The following STPG4 variants were observed in gnomAD, a reference collection of about 807,000 sequenced individuals.
STPG4 encodes the protein protein STPG4.
A neutral mutation model predicts 31.5 loss-of-function variants in STPG4; 41 were observed. The ratio of observed to expected loss-of-function variants is 1.30; its 90% CI spans 1.01 to 1.69. STPG4 has a LOEUF of 1.69. Ranked by LOEUF, STPG4 falls within the 40% of genes most tolerant of loss-of-function variation. The pLI, the probability that STPG4 is intolerant of heterozygous loss-of-function variation, is 0.00. For missense variants in STPG4, 375 were observed against 293.4 expected, an observed-to-expected ratio of 1.28 and a Z score of -2.03; for synonymous variants, 141 against 103.0, an observed-to-expected ratio of 1.37 and a Z score of -2.24.
intron 5 of STPG4, among the ~76,000 whole-genome samples, chr2:47,104,437 T>C (rs1291932924): frequency 1.3e-5 from 2 of 151,988 alleles, no homozygotes; most frequent in African/African-American, 4.8e-5. Flanking sequence ...AATTCCACTA[T>C]ATCCAGTTGT....
intron 5 of STPG4, chr2:47,108,337 C>G (rs1685966846): frequency 6.6e-6 from 1 of 152,172 alleles, no homozygotes; most frequent in African/African-American, 2.4e-5. Context: ...ATAAATCTTG[C>G]TACTGCTCAC....
intron 3 of STPG4, 109 bp from the exon 4 acceptor site, chr2:47,130,369 C>T (rs943565854): frequency 3.5e-6 from 3 of 849,316 alleles, no homozygotes; most frequent in African/African-American, 1.7e-5. Context: ...TTGGATAATT[C>T]CTTCTTTACT....
chr2:47,120,551 A>G (rs1031298723), intron 5 of STPG4, among the ~76,000 whole-genome samples: 5 of 133,406 alleles, frequency 3.7e-5, no homozygotes, highest in African/African-American at 1.3e-4. Flanking sequence ...TGGGCGAAAG[A>G]GCAAGACTCC....
Position 47,127,810 on chromosome 2 carries a change from CTG to C in STPG4, c.519+2129_519+2130del, listed in dbSNP as rs1403835084. 4.6e-5 allele frequency among the ~76,000 whole-genome samples: 7 copies of C among 152,296 alleles called. No individual in the cohort carries two copies. The East Asian group carries it at 1.4e-3, about 29-fold the overall frequency. On this transcript the variant is annotated intron_variant, in intron 5 of 6. Coordinates refer to ENST00000445927, the MANE Select transcript of STPG4 (RefSeq NM_001163561.2). ...GGTGTCTGTCTGAAAGGTCACATAT[CTG>C]TGTCACTCTGGGATTGATCACTCGT...
chr2:47,117,165 A>T (rs1372008060), intron 5 of STPG4, among the ~76,000 whole-genome samples: 1 of 152,086 alleles, frequency 6.6e-6, no homozygotes, highest in Non-Finnish European at 1.5e-5. Flanking sequence ...ATGTATTGCT[A>T]AGTTTTGGAG....
chr2:47,091,189 G>A (rs1460924168), intron 5 of STPG4, among the ~76,000 whole-genome samples: 2 of 151,726 alleles, frequency 1.3e-5, no homozygotes, highest in African/African-American at 2.4e-5. Flanking sequence ...GAAGGAGAGA[G>A]GGAAAGAAGG....
chr2:47,094,718 G>A (rs763816077), intron 5 of STPG4, among the ~76,000 whole-genome samples: 1 of 152,218 alleles, frequency 6.6e-6, no homozygotes, highest in Non-Finnish European at 1.5e-5. Context: ...GTCTTGTTAA[G>A]TGTGATCCCA....
chr2:47,126,289 CTCTTCCTCT>C (rs1311227098), intron 5 of STPG4, among the ~76,000 whole-genome samples: 1 of 151,096 alleles, frequency 6.6e-6, no homozygotes, highest in Non-Finnish European at 1.5e-5. Flanking sequence ...CCTCTTCCTC[CTCTTCCTCT>C]TCTTCTTTCT....
intron 5 of STPG4, among the ~76,000 whole-genome samples, chr2:47,093,591 C>G (rs1388716407): frequency 1.3e-5 from 2 of 152,174 alleles, no homozygotes; most frequent in African/African-American, 4.8e-5. Context: ...TTTCCCCAGG[C>G]CTAATGCGGC....
chr2:47,113,076 T>C (rs1429748393), intron 5 of STPG4, among the ~76,000 whole-genome samples: 1 of 150,892 alleles, frequency 6.6e-6, no homozygotes, highest in East Asian at 1.9e-4. Flanking sequence ...TTTTAAGTAG[T>C]AGAAGAAATA....
chr2:47,154,015 T>C (rs953592869), intron 1 of STPG4, among the ~76,000 whole-genome samples: 2 of 152,198 alleles, frequency 1.3e-5, no homozygotes, highest in African/African-American at 4.8e-5. Flanking sequence ...GTTTAGTATA[T>C]TGCTGTTTGT....
At chr2:47,138,870 A>T (rs2103791717) in intron 3 of STPG4, among the ~76,000 whole-genome samples, 2 of 152,180 alleles carry the variant, frequency 1.3e-5, no homozygotes, top group East Asian at 3.9e-4. Flanking sequence ...TTTTTAGTAG[A>T]GACGGGGTTT....
intron 6 of STPG4, 112 bp from the exon 7 acceptor site, chr2:47,087,242 A>T: frequency 8.1e-7 from 1 of 1,237,324 alleles, no homozygotes; most frequent in South Asian, 1.4e-5. Context: ...AAGGATGAAG[A>T]CCAGGGCCAC....
chr2:47,111,292 T>C (rs538717835), intron 5 of STPG4, among the ~76,000 whole-genome samples: 80 of 152,192 alleles, frequency 5.3e-4, no homozygotes, highest in Non-Finnish European at 8.2e-4. Flanking sequence ...TAATAAGTAG[T>C]CATCAAAAAG....
In STPG4 at chr2:47,106,698, C is replaced by T. The variant is rs187757025; in HGVS notation, c.520-16324G>A. On this transcript the variant is annotated intron_variant, in intron 5 of 6. Transcript: ENST00000445927. ...ATACCGCCCGGCGTTTACAGGAAAA[C>T]GCTTCTGAAATCAGACAATGCCTTT... 4.1e-3 allele frequency among the ~76,000 whole-genome samples: 622 copies of T among 152,000 alleles called. 29 individuals are homozygous for T. The highest frequency in any genetic ancestry group is 0.032 in the Admixed American group (495 of 15,282).
intron 5 of STPG4, among the ~76,000 whole-genome samples, chr2:47,114,988 G>A (rs887308674): frequency 1.4e-4 from 22 of 152,082 alleles, no homozygotes; most frequent in African/African-American, 2.4e-4. Context: ...GGCTGGTCTC[G>A]AACTCCTGAT....
rs940190611 is a variant in STPG4 at position 47,088,491 on chromosome 2, G to A, written c.625-1361C>T. ...ACAACCAACAGCTCAGTGGGAGCCT[G>A]GGCATGGGCTTCCCATACCTTACCC... On this transcript the variant is annotated intron_variant, in intron 6 of 6. Coordinates refer to ENST00000445927, the MANE Select transcript of STPG4 (RefSeq NM_001163561.2). Among the ~76,000 whole-genome samples the A allele has an allele frequency of 3.4e-4, 52 of 152,328 alleles. 1 individual carries two copies. The highest frequency in any genetic ancestry group is 1.3e-3 in the African/African-American group (52 of 41,574).
chr2:47,114,831 G>A (rs1055516970), intron 5 of STPG4, among the ~76,000 whole-genome samples: 5 of 151,922 alleles, frequency 3.3e-5, no homozygotes, highest in East Asian at 3.9e-4. Context: ...GCAGTGGTAC[G>A]ATCTTGGCTC....
intron 5 of STPG4, among the ~76,000 whole-genome samples, chr2:47,125,124 T>C (rs1448651819): frequency 6.6e-6 from 1 of 151,426 alleles, no homozygotes; most frequent in Non-Finnish European, 1.5e-5. Context: ...AATTATTAGA[T>C]TTTTTTCCTA....
Sources: allele counts gnomAD v4.1 joint callset (sites outside exome capture counted in the v4.1 genomes callset), GRCh38; gene constraint gnomAD v4.1.1; transcripts MANE v1.5; gene names NCBI Gene and HGNC (gene_info 2026-07-23, HGNC 2026-07-21).